EYS: variants seen among roughly 807,000 people sequenced by gnomAD.
EYS encodes the protein EGF-like photoreceptor maintenance factor, also known as protein eyes shut homolog.
A neutral mutation model predicts 282.1 loss-of-function variants in EYS; 250 were observed. The ratio of observed to expected loss-of-function variants is 0.89; its 90% confidence interval spans 0.80 to 0.98. The LOEUF (loss-of-function observed/expected upper bound fraction) is 0.98. Ranked by LOEUF, EYS falls within the 50% of genes least tolerant of loss-of-function variation. The probability of loss-of-function intolerance (pLI) is 0.00; values close to 1 mark genes in which losing one functional copy is unlikely to be tolerated. For missense variants in EYS, 4,016 were observed against 3,709.0 expected, an observed-to-expected ratio of 1.08 and a Z score of -2.15; for synonymous variants, 1,355 against 1,282.9, an observed-to-expected ratio of 1.06 and a Z score of -1.20.
chr6:65,453,303 C>G (rs950513970), intron 5 of EYS, among the ~76,000 whole-genome samples: 3 of 151,874 alleles, frequency 2.0e-5, no homozygotes, highest in Admixed American at 2.0e-4. Context: ...ATTCCAAATT[C>G]TAGGAGGAAC....
intron 12 of EYS, among the ~76,000 whole-genome samples, chr6:65,141,451 C>G (rs1764337867): frequency 6.6e-6 from 1 of 151,706 alleles, no homozygotes; most frequent in African/African-American, 2.4e-5. Flanking sequence ...ATGTAACTAA[C>G]CTGCACATTG....
chr6:64,739,353 A>G (rs1217660535), intron 22 of EYS, among the ~76,000 whole-genome samples: 1 of 152,198 alleles, frequency 6.6e-6, no homozygotes, highest in Non-Finnish European at 1.5e-5. Flanking sequence ...GGTGAAAACT[A>G]AGGACAATTG....
intron 22 of EYS, among the ~76,000 whole-genome samples, chr6:64,712,365 T>C (rs184005453): frequency 5.4e-4 from 82 of 152,326 alleles, no homozygotes; most frequent in African/African-American, 1.9e-3. Context: ...GCATGATTAA[T>C]CTACTTCAGA....
intron 2 of EYS, among the ~76,000 whole-genome samples, chr6:65,625,893 A>G (rs1562296451): frequency 6.6e-6 from 1 of 152,242 alleles, no homozygotes; most frequent in African/African-American, 2.4e-5. Context: ...GGAATTCTAC[A>G]TCGCAATAAT....
chr6:64,970,837 T>C (rs539023691), intron 14 of EYS, among the ~76,000 whole-genome samples: 1 of 152,090 alleles, frequency 6.6e-6, no homozygotes, highest in African/African-American at 2.4e-5. Context: ...GTTGCTGCCA[T>C]TTTGAGATAA....
At chr6:64,705,832 T>C (rs1301209197) in intron 22 of EYS, among the ~76,000 whole-genome samples, 1 of 43,528 alleles carries the variant, frequency 2.3e-5, no homozygotes, top group Non-Finnish European at 4.2e-5. Context: ...TGTTGTGGGG[T>C]GGGAGGGAGG....
At chr6:65,620,848 T>G (rs994861448) in intron 2 of EYS, among the ~76,000 whole-genome samples, 4 of 152,184 alleles carry the variant, frequency 2.6e-5, no homozygotes, top group Non-Finnish European at 4.4e-5. Context: ...TCAGTTTCCA[T>G]GTAGTTGAGC....
At chr6:64,469,447 T>C (rs1439209743) in intron 26 of EYS, among the ~76,000 whole-genome samples, 1 of 152,146 alleles carries the variant, frequency 6.6e-6, no homozygotes, top group Non-Finnish European at 1.5e-5. Context: ...TCCAATGTTA[T>C]AATAATCCTC....
At chr6:63,906,539 A>G (rs868085820) in intron 35 of EYS, among the ~76,000 whole-genome samples, 2 of 152,228 alleles carry the variant, frequency 1.3e-5, no homozygotes, top group Non-Finnish European at 2.9e-5. Flanking sequence ...TTGGATTCAA[A>G]TGATGGCCTA....
chr6:64,261,787 G>GA (rs1381708874), intron 30 of EYS, among the ~76,000 whole-genome samples: 2 of 144,746 alleles, frequency 1.4e-5, no homozygotes, highest in Non-Finnish European at 3.0e-5. Flanking sequence ...AGGTTATTTT[G>GA]TTTTTTTTTT....
At chr6:64,173,885 C>A (rs1484947863) in intron 31 of EYS, among the ~76,000 whole-genome samples, 3 of 152,020 alleles carry the variant, frequency 2.0e-5, no homozygotes, top group South Asian at 2.1e-4. Flanking sequence ...ATGTTAATTG[C>A]AAAATTATGC....
chr6:65,598,866 C>T (rs1303983584), intron 2 of EYS, among the ~76,000 whole-genome samples: 1 of 152,062 alleles, frequency 6.6e-6, no homozygotes, highest in African/African-American at 2.4e-5. Flanking sequence ...TCATTTTCCA[C>T]AACTGTAATC....
At chr6:65,132,043 C>G (rs1455957186) in intron 12 of EYS, among the ~76,000 whole-genome samples, 1 of 151,908 alleles carries the variant, frequency 6.6e-6, no homozygotes, top group Non-Finnish European at 1.5e-5. Context: ...CTGAACAGAC[C>G]AATAACAAGC....
chr6:65,557,561 T>C (rs1768865563), intron 2 of EYS, among the ~76,000 whole-genome samples: 1 of 152,276 alleles, frequency 6.6e-6, no homozygotes, highest in Non-Finnish European at 1.5e-5. Context: ...TGTTACAACA[T>C]GTCACAGCCC....
At chr6:65,258,196 TG>T (rs1405257735) in intron 12 of EYS, among the ~76,000 whole-genome samples, 9 of 152,088 alleles carry the variant, frequency 5.9e-5, no homozygotes, top group African/African-American at 2.2e-4. Flanking sequence ...GATATTAACA[TG>T]GATATCATTT....
At chr6:65,320,237 AG>A (rs1339560432) in intron 11 of EYS, among the ~76,000 whole-genome samples, 2 of 18,596 alleles carry the variant, frequency 1.1e-4, no homozygotes, top group Non-Finnish European at 2.7e-4. Context: ...GCTGCGAGTC[AG>A]CCAATGAGAG....
intron 33 of EYS, among the ~76,000 whole-genome samples, chr6:64,000,787 G>C (rs370000773): frequency 6.6e-6 from 1 of 151,940 alleles, no homozygotes; most frequent in Non-Finnish European, 1.5e-5. Context: ...ATTATTCCAC[G>C]GCTGTTTTGG....
At chr6:65,566,096 A>T (rs1769270380) in intron 2 of EYS, among the ~76,000 whole-genome samples, 1 of 26,536 alleles carries the variant, frequency 3.8e-5, no homozygotes, top group African/African-American at 1.9e-4. Flanking sequence ...TGAAAGTATT[A>T]AAAAAAAAAA....
rs554898890 is a variant in EYS, at chr6:65,392,410, G to T, written c.1185-7910C>A. Among the ~76,000 whole-genome samples the T allele has an allele frequency of 1.1e-3, 164 of 152,188 alleles. 2 individuals are homozygous for T. The highest frequency in any genetic ancestry group is 3.7e-3 in the African/African-American group (153 of 41,524). ...AGCAACAAAATGGGAGAAAATTTTC[G>T]CAATCTACTCATCTGACAAAGGGCT... On this transcript the variant is annotated intron_variant, in intron 7 of 42. Coordinates refer to ENST00000503581, the MANE Select transcript of EYS (RefSeq NM_001142800.2).
Sources: allele counts gnomAD v4.1 joint callset (sites outside exome capture counted in the v4.1 genomes callset), GRCh38; gene constraint gnomAD v4.1.1; transcripts MANE v1.5; gene names NCBI Gene and HGNC (gene_info 2026-07-23, HGNC 2026-07-21).